Variants in SLC2A12 observed in about 807,000 individuals in gnomAD.
SLC2A12 encodes the protein solute carrier family 2 member 12.
In SLC2A12, 23 loss-of-function variants were observed where a neutral mutation model predicts 41.8. The observed-to-expected ratio is 0.55, with a 90% CI of 0.40 to 0.78. The LOEUF (loss-of-function observed/expected upper bound fraction) is 0.78, where lower values mean the gene tolerates loss of function less well. Among genes scored for constraint, SLC2A12 ranks in the 30% least tolerant of loss-of-function variants. The probability of loss-of-function intolerance (pLI) is 0.00; values close to 1 mark genes in which losing one functional copy is unlikely to be tolerated. For synonymous variants in SLC2A12, 295 were observed against 285.9 expected (o/e 1.03, Z -0.32); for missense variants, 654 against 745.6 (o/e 0.88, Z 1.43).
Position 134,052,412 on chromosome 6 carries a change from C to T in SLC2A12, c.69G>A (p.Glu23=), listed in dbSNP as rs1773704000. ...AGGGAGGATGCCGGCTGCCGCTGCCCTCCGTCTCCACGGCTGTCCCCTTCT... is the reference window on the plus strand; with the variant it reads ...AGGGAGGATGCCGGCTGCCGCTGCCTTCCGTCTCCACGGCTGTCCCCTTCT... ...LNQKGTAVET[E]GSGSRHPPWA... Residue 23 remains glutamate (E), a synonymous_variant, in exon 1 of 5, where the codon GAG becomes GAA. Transcript: ENST00000275230. 1 of 1,613,422 alleles carries T rather than the reference C, an allele frequency of 6.2e-7. No homozygotes were observed. Among genetic ancestry groups the T allele is most frequent in the East Asian group, 2.2e-5 (1 of 44,884 alleles).
intron 3 of SLC2A12, among the ~76,000 whole-genome samples, chr6:134,005,370 A>G (rs7768216): frequency 0.034 from 5,187 of 152,132 alleles, 269 homozygotes; most frequent in East Asian, 0.11. Context: ...TTATTACAGA[A>G]TCTCCCTGCC....
At chr6:134,041,726 A>G (rs1008072564) in intron 1 of SLC2A12, among the ~76,000 whole-genome samples, 4 of 152,168 alleles carry the variant, frequency 2.6e-5, no homozygotes, top group African/African-American at 9.7e-5. Flanking sequence ...TAGGCTCCCC[A>G]TTTTATTTAC....
chr6:133,995,226 G>A (rs906945330), intron 4 of SLC2A12, among the ~76,000 whole-genome samples: 3 of 152,264 alleles, frequency 2.0e-5, no homozygotes, highest in African/African-American at 7.2e-5. Context: ...TTTTTAAAAA[G>A]ATGGAGAAAG....
chr6:134,026,884 T>A (rs1388455857), intron 2 of SLC2A12, among the ~76,000 whole-genome samples: 3 of 152,206 alleles, frequency 2.0e-5, no homozygotes, highest in African/African-American at 7.2e-5. Context: ...AGATTTCACC[T>A]AACCCTTCTC....
chr6:134,044,734 A>C (rs1332756531), intron 1 of SLC2A12, among the ~76,000 whole-genome samples: 2 of 147,160 alleles, frequency 1.4e-5, no homozygotes, highest in African/African-American at 5.2e-5. Flanking sequence ...AAAAAAAAAA[A>C]GAATAATGTC....
chr6:133,991,365 G>T, intron 4 of SLC2A12, 57 bp from the exon 5 acceptor site: 1 of 1,564,926 alleles, frequency 6.4e-7, no homozygotes. Context: ...TGAAAAAAAT[G>T]TGTAGGCTAT....
rs1776574868 is a variant in SLC2A12, at chr6:133,988,735, A to ATTT, written c.*2419_*2420insAAA. ...AGACTTGTATTTTTCCTTTTTTTTA[A>ATTT]AAAAAAAGTGTTTATTTCCTTTATT... On this transcript the variant is annotated 3_prime_UTR_variant, in exon 5 of 5. Coordinates refer to ENST00000275230, the MANE Select transcript of SLC2A12 (RefSeq NM_145176.3). 4 of 151,312 alleles carry ATTT rather than the reference A, an allele frequency of 2.6e-5. No individual in the cohort carries two copies. Among genetic ancestry groups the ATTT allele is most frequent in the African/African-American group, 9.7e-5 (4 of 41,316 alleles). 9.4% of individuals were successfully genotyped at this position (151,312 alleles called of 1,614,324 possible).
rs1777159531 is a variant in SLC2A12 at position 134,029,144 on chromosome 6, T to A, written c.681A>T (p.Lys227Asn). Residue 227 changes from lysine (K) to asparagine (N), a missense_variant, in exon 2 of 5, where the codon AAA (lysine) becomes AAT (asparagine). Lys to Asn is a moderately conservative substitution (Grantham distance 94). Around this residue, in one of 3 missense-constraint regions of SLC2A12, gnomAD observed 411 missense variants for 412.1 expected, o/e 1.00. Coordinates refer to ENST00000275230, the MANE Select transcript of SLC2A12 (RefSeq NM_145176.3). ...LPPSPRFLVM[K>N]GQEGAASKVL... The stretch of plus-strand genomic sequence containing the variant: ...CCTTGCTAGCAGCTCCCTCTTGTCC[T>A]TTCATCACCAGAAACCGAGGGCTTG... The A allele has an allele frequency of 6.2e-7, 1 of 1,614,018 alleles. No homozygotes were observed. Among genetic ancestry groups the A allele is most frequent in the Non-Finnish European group, 8.5e-7 (1 of 1,180,030 alleles).
At chr6:134,033,886 C>A (rs1777257046) in intron 1 of SLC2A12, among the ~76,000 whole-genome samples, 1 of 152,058 alleles carries the variant, frequency 6.6e-6, no homozygotes, top group Non-Finnish European at 1.5e-5. Flanking sequence ...GCTTCTCTGT[C>A]TGGAGGAAAG....
chr6:133,994,432 A>G (rs1418881760), intron 4 of SLC2A12, among the ~76,000 whole-genome samples: 1 of 152,208 alleles, frequency 6.6e-6, no homozygotes, highest in Non-Finnish European at 1.5e-5. Flanking sequence ...CAATGAGATA[A>G]AAACTGTAAA....
chr6:133,999,614 C>T (rs1214218549), intron 4 of SLC2A12, among the ~76,000 whole-genome samples: 1 of 152,100 alleles, frequency 6.6e-6, no homozygotes, highest in South Asian at 2.1e-4. Flanking sequence ...GATGAGAAGC[C>T]ACTGGGGAGG....
intron 3 of SLC2A12, among the ~76,000 whole-genome samples, chr6:134,005,018 T>C (rs1776795305): frequency 6.6e-6 from 1 of 152,196 alleles, no homozygotes; most frequent in Admixed American, 6.5e-5. Flanking sequence ...AAAAAATAAA[T>C]TTAGGCTTTA....
At chr6:134,052,158 CACA>C (rs1773692519) in intron 1 of SLC2A12, among the ~76,000 whole-genome samples, 1 of 152,030 alleles carries the variant, frequency 6.6e-6, no homozygotes, top group African/African-American at 2.4e-5. Context: ...CTTCGATCTT[CACA>C]ACATTACAGC....
intron 1 of SLC2A12, among the ~76,000 whole-genome samples, chr6:134,036,437 C>T (rs1387603452): frequency 6.6e-6 from 1 of 152,188 alleles, no homozygotes; most frequent in African/African-American, 2.4e-5. Flanking sequence ...TTATCTTGCC[C>T]CCGGCTCGTG....
intron 3 of SLC2A12, among the ~76,000 whole-genome samples, chr6:134,004,983 TCTC>T (rs1312516254): frequency 4.6e-5 from 7 of 152,226 alleles, no homozygotes; most frequent in African/African-American, 1.7e-4. Flanking sequence ...GACATGTAAA[TCTC>T]CTCAAGCCTC....
At chr6:134,046,627 C>T (rs1351787346) in intron 1 of SLC2A12, among the ~76,000 whole-genome samples, 1 of 151,802 alleles carries the variant, frequency 6.6e-6, no homozygotes, top group African/African-American at 2.4e-5. Context: ...ATGGTGAAAC[C>T]GTCTCTACTA....
chr6:133,990,192 A>G lies in SLC2A12; in HGVS notation c.*963T>C, dbSNP rs1163410983. The G allele has an allele frequency of 1.3e-5, 2 of 152,666 alleles. No homozygotes were observed. Among genetic ancestry groups the G allele is most frequent in the Non-Finnish European group, 2.9e-5 (2 of 68,050 alleles). The allele number at this position is 152,666 out of a possible 1,614,324, so 9.5% of individuals were successfully genotyped here. ...TTCAGTTATCTGAACATCATCATCA[A>G]TTATAGCCTGTGTACCGTAACCTGA... On this transcript the variant is annotated 3_prime_UTR_variant, in exon 5 of 5. Coordinates refer to ENST00000275230, the MANE Select transcript of SLC2A12 (RefSeq NM_145176.3).
intron 1 of SLC2A12, among the ~76,000 whole-genome samples, chr6:134,033,026 G>A (rs1292423004): frequency 6.6e-6 from 1 of 151,674 alleles, no homozygotes; most frequent in Non-Finnish European, 1.5e-5. Context: ...CAAGGCCTTA[G>A]GACAGGAAAG....
In SLC2A12 at chr6:134,028,719, T is replaced by G. The variant is rs140758825; in HGVS notation, c.1106A>C (p.His369Pro). 4 of 1,614,168 alleles carry G rather than the reference T, an allele frequency of 2.5e-6. No individual in the cohort carries two copies. In the East Asian group the frequency reaches 8.9e-5, roughly 36 times the overall value. ...VTMGIVNLNI[H>P]MNFTHICRSH... ...TCTGCAGATATGGGTGAAGTTCATG[T>G]GGATGTTGAGATTTACGATGCCCAT... Residue 369 changes from histidine to proline, a missense_variant, in exon 2 of 5, where the codon CAC becomes CCC. Coordinates refer to ENST00000275230, the MANE Select transcript of SLC2A12 (RefSeq NM_145176.3).
Sources: gnomAD v4.1 joint callset for allele counts (sites outside exome capture counted in the v4.1 genomes callset) on GRCh38, gnomAD v4.1.1 for gene constraint, gnomAD v4.1.1 regional missense constraint, MANE v1.5 for transcripts, NCBI Gene and HGNC (gene_info 2026-07-23, HGNC 2026-07-21) for gene names.